The following RAP1A variants were observed in gnomAD, a reference collection of about 807,000 sequenced individuals.
The protein encoded by RAP1A is RAP1A, member of RAS oncogene family.
In RAP1A, 6 loss-of-function variants were observed where a neutral mutation model predicts 26.4. The ratio of observed to expected loss-of-function variants is 0.23; its 90% CI spans 0.12 to 0.45. The LOEUF (loss-of-function observed/expected upper bound fraction) is 0.45, where lower values mean the gene tolerates loss of function less well. Among genes scored for constraint, RAP1A ranks in the 20% least tolerant of loss-of-function variants. The pLI is 0.99. For missense variants in RAP1A, 121 were observed against 217.2 expected (o/e 0.56, Z 2.78); for synonymous variants, 73 against 79.4 (o/e 0.92, Z 0.43).
intron 1 of RAP1A, among the ~76,000 whole-genome samples, chr1:111,689,978 A>G (rs554070465): frequency 9.0e-4 from 137 of 152,280 alleles, no homozygotes; most frequent in Middle Eastern, 3.4e-3. Context: ...GCCCGGCCTC[A>G]GGTCACATTT....
At chr1:111,594,614 C>T (rs1246948123) in intron 1 of RAP1A, among the ~76,000 whole-genome samples, 3 of 137,904 alleles carry the variant, frequency 2.2e-5, no homozygotes, top group South Asian at 2.4e-4. Context: ...GCAAGGAGAG[C>T]GAGAAAAGAA....
chr1:111,578,551 A>G (rs1658189818), intron 1 of RAP1A, among the ~76,000 whole-genome samples: 1 of 152,166 alleles, frequency 6.6e-6, no homozygotes, highest in Non-Finnish European at 1.5e-5. Context: ...CCAACTCATA[A>G]TGTACTGGAG....
chr1:111,692,715 A>T (rs1390806498), intron 2 of RAP1A, among the ~76,000 whole-genome samples: 1 of 152,162 alleles, frequency 6.6e-6, no homozygotes, highest in Non-Finnish European at 1.5e-5. Flanking sequence ...GATATCCAAG[A>T]TACATTATTA....
chr1:111,644,407 C>T (rs1430960460), intron 1 of RAP1A, among the ~76,000 whole-genome samples: 1 of 152,112 alleles, frequency 6.6e-6, no homozygotes, highest in East Asian at 1.9e-4. Context: ...AAAATCAGCT[C>T]TAGCCATTTT....
intron 1 of RAP1A, among the ~76,000 whole-genome samples, chr1:111,664,465 C>G (rs1400888112): frequency 6.6e-6 from 1 of 151,394 alleles, no homozygotes; most frequent in Non-Finnish European, 1.5e-5. Context: ...AATGCTCAGG[C>G]CACCTAGACT....
intron 1 of RAP1A, among the ~76,000 whole-genome samples, chr1:111,606,645 T>C (rs1292741163): frequency 6.6e-6 from 1 of 152,120 alleles, no homozygotes; most frequent in Non-Finnish European, 1.5e-5. Context: ...ACCACACTCC[T>C]ACTGGAGCAG....
chr1:111,610,533 AACACACACAC>A (rs71099922), intron 1 of RAP1A, among the ~76,000 whole-genome samples: 21,586 of 141,794 alleles, frequency 0.15, 1,631 homozygotes, highest in African/African-American at 0.17. Flanking sequence ...CCCTCCACCC[AACACACACAC>A]ACACACACAC....
chr1:111,639,453 C>G (rs1485438887), intron 1 of RAP1A, among the ~76,000 whole-genome samples: 1 of 140,730 alleles, frequency 7.1e-6, no homozygotes, highest in Non-Finnish European at 1.6e-5. Context: ...TCTAAAAATG[C>G]TAATTTTTTT....
At chr1:111,703,996 T>C (rs1662103412) in intron 5 of RAP1A, among the ~76,000 whole-genome samples, 1 of 152,106 alleles carries the variant, frequency 6.6e-6, no homozygotes, top group African/African-American at 2.4e-5. Flanking sequence ...AGAGACCAGG[T>C]CTCACTATGT....
chr1:111,673,898 G>C (rs1557886980), intron 1 of RAP1A, among the ~76,000 whole-genome samples: 2 of 152,162 alleles, frequency 1.3e-5, no homozygotes, highest in African/African-American at 4.8e-5. Flanking sequence ...GTGACCCATG[G>C]TGTTTGTTAG....
chr1:111,619,965 C>T, intron 1 of RAP1A, 31 bp downstream of exon 1: 1 of 397,016 alleles, frequency 2.5e-6, no homozygotes. Context: ...TCCAGACGGC[C>T]CCAGAGGGAG....
chr1:111,546,230 T>C (rs759591125), intron 1 of RAP1A, among the ~76,000 whole-genome samples: 1 of 152,184 alleles, frequency 6.6e-6, no homozygotes, highest in African/African-American at 2.4e-5. Context: ...GCCATCATTT[T>C]TTCCTCTCTT....
chr1:111,546,055 G>A (rs973077278), intron 1 of RAP1A, among the ~76,000 whole-genome samples: 3 of 152,092 alleles, frequency 2.0e-5, no homozygotes, highest in Non-Finnish European at 4.4e-5. Context: ...CCAGAATTGT[G>A]AGTCCTTCAA....
intron 1 of RAP1A, among the ~76,000 whole-genome samples, chr1:111,594,459 AAG>A (rs1396379525): frequency 6.7e-6 from 1 of 148,750 alleles, no homozygotes; most frequent in Non-Finnish European, 1.5e-5. Flanking sequence ...CAGCCTGGGC[AAG>A]AGAGATAGAC....
At chr1:111,657,338 G>GT (rs1660493656) in intron 1 of RAP1A, among the ~76,000 whole-genome samples, 1 of 152,184 alleles carries the variant, frequency 6.6e-6, no homozygotes, top group Non-Finnish European at 1.5e-5. Flanking sequence ...TGTATGAAGT[G>GT]TTTATGAAAC....
At chr1:111,610,038 T>C (rs1658895002) in intron 1 of RAP1A, among the ~76,000 whole-genome samples, 1 of 152,218 alleles carries the variant, frequency 6.6e-6, no homozygotes, top group African/African-American at 2.4e-5. Context: ...TCTGAAAAAC[T>C]ATACGCCCCT....
At chr1:111,671,731 C>T (rs1660983177) in intron 1 of RAP1A, among the ~76,000 whole-genome samples, 2 of 152,212 alleles carry the variant, frequency 1.3e-5, no homozygotes, top group South Asian at 2.1e-4. Flanking sequence ...GCCTTGGCCT[C>T]CCAAAGTGCT....
intron 1 of RAP1A, 81 bp from the exon 2 acceptor site, chr1:111,691,253 C>CTCCTATGT: frequency 1.1e-6 from 1 of 930,084 alleles, no homozygotes. Context: ...ACAAAACAAA[C>CTCCTATGT]TCCTATGTTT....
chr1:111,707,118 T>A (rs983768523), intron 6 of RAP1A, among the ~76,000 whole-genome samples: 1 of 152,150 alleles, frequency 6.6e-6, no homozygotes, highest in Non-Finnish European at 1.5e-5. Context: ...AGAAATAAGA[T>A]GACAGAGAGT....
Sources: allele counts gnomAD v4.1 joint callset (sites outside exome capture counted in the v4.1 genomes callset), GRCh38; gene constraint gnomAD v4.1.1; transcripts MANE v1.5; gene names NCBI Gene and HGNC (gene_info 2026-07-23, HGNC 2026-07-21).